Variants in PKD1L1 observed in about 807,000 individuals in gnomAD.
The protein encoded by PKD1L1 is polycystin 1 like 1, transient receptor potential channel interacting.
Under a neutral mutation model 323.4 loss-of-function variants are expected in PKD1L1, and 236 were observed. The observed-to-expected ratio is 0.73, with a 90% CI of 0.66 to 0.81. The LOEUF (loss-of-function observed/expected upper bound fraction) is 0.81, where lower values mean the gene tolerates loss of function less well. Among genes scored for constraint, PKD1L1 ranks in the 40% least tolerant of loss-of-function variants. PKD1L1 has a pLI of 0.00. For synonymous variants in PKD1L1, 1,344 were observed against 1,335.0 expected (o/e 1.01, Z -0.15); for missense variants, 3,320 against 3,508.0 (o/e 0.95, Z 1.35).
At chr7:47,898,244 A>C (rs1787003750) in intron 13 of PKD1L1, 50 bp from the exon 14 acceptor site, 6 of 1,453,490 alleles carry the variant, frequency 4.1e-6, no homozygotes, top group Middle Eastern at 2.0e-4. Flanking sequence ...ATCACATCTA[A>C]TGTACTGGTA....
chr7:47,939,833 C>A (rs1327738780), intron 3 of PKD1L1, among the ~76,000 whole-genome samples: 1 of 151,118 alleles, frequency 6.6e-6, no homozygotes, highest in East Asian at 2.0e-4. Flanking sequence ...GCTTGAGGGG[C>A]AGCCCCCACT....
At chr7:47,900,542 A>T (rs1394144938) in intron 13 of PKD1L1, among the ~76,000 whole-genome samples, 1 of 152,172 alleles carries the variant, frequency 6.6e-6, no homozygotes, top group African/African-American at 2.4e-5. Flanking sequence ...CAGCCTGACC[A>T]ACATGGTGAA....
intron 18 of PKD1L1, 69 bp from the exon 19 acceptor site, chr7:47,884,726 C>T (rs1368441087): frequency 2.2e-5 from 28 of 1,250,798 alleles, no homozygotes; most frequent in Non-Finnish European, 3.0e-5. Flanking sequence ...AACAGCAGCT[C>T]CCCTGATGGG....
At chr7:47,922,636 G>C (rs550984576) in intron 7 of PKD1L1, among the ~76,000 whole-genome samples, 1 of 150,816 alleles carries the variant, frequency 6.6e-6, no homozygotes, top group African/African-American at 2.4e-5. Context: ...GTCTCTGACC[G>C]GCCGCCCCGT....
At chr7:47,960,643 C>T in the PKD1L1 span, among the ~76,000 whole-genome samples, 1 of 149,418 alleles carries the variant, frequency 6.7e-6, no homozygotes, top group African/African-American at 2.5e-5. Flanking sequence ...AGACTGTTTC[C>T]TGAACAATAA....
At chr7:47,849,394 C>A (rs1191020720) in intron 31 of PKD1L1, among the ~76,000 whole-genome samples, 1 of 152,170 alleles carries the variant, frequency 6.6e-6, no homozygotes, top group East Asian at 1.9e-4. Context: ...AAGAAATAAT[C>A]AGCAGAGTAA....
intron 56 of PKD1L1, among the ~76,000 whole-genome samples, chr7:47,777,804 C>T (rs1786602486): frequency 6.6e-6 from 1 of 152,140 alleles, no homozygotes; most frequent in Non-Finnish European, 1.5e-5. Flanking sequence ...ATCTTCAGCA[C>T]AAGGCTTCTA....
chr7:47,835,367 C>A, intron 37 of PKD1L1, 124 bp from the exon 38 acceptor site: 1 of 592,636 alleles, frequency 1.7e-6, no homozygotes. Context: ...AAAGTGCTCT[C>A]TTCATGAATC....
chr7:47,850,054 CATAGGGTGCAGGGT>C (rs1214545121), intron 31 of PKD1L1, among the ~76,000 whole-genome samples: 1 of 152,112 alleles, frequency 6.6e-6, no homozygotes, highest in Non-Finnish European at 1.5e-5. Context: ...AAAGACTACA[CATAGGGTGCAGGGT>C]ATACTGCTCG....
intron 45 of PKD1L1, among the ~76,000 whole-genome samples, chr7:47,823,268 G>T (rs978107129): frequency 6.6e-6 from 1 of 152,098 alleles, no homozygotes; most frequent in Non-Finnish European, 1.5e-5. Context: ...TTGCTGAGAG[G>T]TTCTTTTTTT....
chr7:47,825,030 C>T (rs990731191), intron 45 of PKD1L1, among the ~76,000 whole-genome samples: 37 of 152,172 alleles, frequency 2.4e-4, no homozygotes, highest in African/African-American at 8.7e-4. Flanking sequence ...CCCATAGTGG[C>T]TGTACCATTT....
At chr7:47,868,465 T>C (rs1196057306) in intron 24 of PKD1L1, among the ~76,000 whole-genome samples, 6 of 152,040 alleles carry the variant, frequency 3.9e-5, no homozygotes, top group Non-Finnish European at 8.8e-5. Context: ...TGACACTAGA[T>C]GGTAACTTAA....
chr7:47,903,345 G>C (rs1787131498), intron 12 of PKD1L1, among the ~76,000 whole-genome samples: 1 of 152,146 alleles, frequency 6.6e-6, no homozygotes, highest in Non-Finnish European at 1.5e-5. Flanking sequence ...GCACACTCTA[G>C]AGATGACAGT....
At chr7:47,855,523 A>C (rs138498569) in intron 28 of PKD1L1, among the ~76,000 whole-genome samples, 88 of 152,326 alleles carry the variant, frequency 5.8e-4, no homozygotes, top group African/African-American at 2.0e-3. Flanking sequence ...TTTATTTTAA[A>C]AGCTAATGCA....
chr7:47,960,204 T>C, the PKD1L1 span, among the ~76,000 whole-genome samples: 1 of 148,938 alleles, frequency 6.7e-6, no homozygotes, highest in Non-Finnish European at 1.5e-5. Flanking sequence ...CACTCCCTAA[T>C]CTCAAGTACC....
intron 21 of PKD1L1, among the ~76,000 whole-genome samples, chr7:47,880,284 A>ATATTTTT (rs1225214936): frequency 8.6e-4 from 49 of 56,774 alleles, no homozygotes; most frequent in African/African-American, 5.0e-3. Context: ...ATATATATAT[A>ATATTTTT]TTTTTTTTTT....
chr7:47,793,809 A>G (rs1787010203), intron 55 of PKD1L1, among the ~76,000 whole-genome samples: 1 of 152,202 alleles, frequency 6.6e-6, no homozygotes, highest in South Asian at 2.1e-4. Flanking sequence ...TCTGACAAAA[A>G]TGCTGATAGT....
At chr7:47,806,529 C>T (rs1475981844) in intron 52 of PKD1L1, among the ~76,000 whole-genome samples, 1 of 152,178 alleles carries the variant, frequency 6.6e-6, no homozygotes, top group Non-Finnish European at 1.5e-5. Flanking sequence ...GAGAGAGATG[C>T]CAATAAATTA....
chr7:47,897,839 A>T, intron 14 of PKD1L1, 149 bp downstream of exon 14: 1 of 630,636 alleles, frequency 1.6e-6, no homozygotes, highest in Non-Finnish European at 2.7e-6. Context: ...CATTTCTCTT[A>T]AAATCCAATG....
Sources: gnomAD v4.1 joint callset for allele counts (sites outside exome capture counted in the v4.1 genomes callset) on GRCh38, gnomAD v4.1.1 for gene constraint, MANE v1.5 for transcripts, NCBI Gene and HGNC (gene_info 2026-07-23, HGNC 2026-07-21) for gene names.